Variants in POU3F3 observed in about 807,000 individuals in gnomAD.
POU3F3 encodes the protein POU class 3 homeobox 3.
POU3F3 carries 1 observed loss-of-function variant against 8.6 expected under a neutral mutation model. The ratio of observed to expected loss-of-function variants is 0.12; its 90% confidence interval spans 0.04 to 0.55. The LOEUF is 0.55. POU3F3 is among the 20% of genes least tolerant of loss of function. POU3F3 has a pLI of 0.91. For synonymous variants in POU3F3, 418 were observed against 327.4 expected (o/e 1.28, Z -2.99); for missense variants, 577 against 690.7 (o/e 0.84, Z 1.84).
chr2:104,896,535 A>G, the POU3F3 span, among the ~76,000 whole-genome samples: 2 of 152,222 alleles, frequency 1.3e-5, no homozygotes, highest in Non-Finnish European at 2.9e-5. Flanking sequence ...TAATAACTCT[A>G]TTTTAAGTAG....
At chr2:104,869,090 A>G in the POU3F3 span, among the ~76,000 whole-genome samples, 3 of 152,218 alleles carry the variant, frequency 2.0e-5, no homozygotes, top group African/African-American at 7.2e-5. Context: ...GTGGAATGAA[A>G]TGGGCCTGGG....
downstream of POU3F3, among the ~76,000 whole-genome samples, chr2:104,860,144 GT>G (rs1407981453): frequency 3.3e-5 from 5 of 152,332 alleles, no homozygotes; most frequent in Admixed American, 3.3e-4. Context: ...ATTTCACACT[GT>G]TTTCTATTAA....
chr2:104,923,796 C>T, the POU3F3 span, among the ~76,000 whole-genome samples: 1 of 152,138 alleles, frequency 6.6e-6, no homozygotes. Context: ...CTCACTTTAG[C>T]TCCAGGGACC....
chr2:104,906,847 T>C, the POU3F3 span, among the ~76,000 whole-genome samples: 1 of 152,206 alleles, frequency 6.6e-6, no homozygotes, highest in East Asian at 1.9e-4. Flanking sequence ...CAAGTACTGG[T>C]AGTTCCTTCC....
At chr2:104,909,325 T>G in the POU3F3 span, among the ~76,000 whole-genome samples, 3 of 152,116 alleles carry the variant, frequency 2.0e-5, no homozygotes, top group Non-Finnish European at 2.9e-5. Flanking sequence ...GTCTGGAGGA[T>G]CCCAAGAATC....
the POU3F3 span, among the ~76,000 whole-genome samples, chr2:104,887,745 G>A: frequency 5.1e-4 from 77 of 152,332 alleles, no homozygotes; most frequent in African/African-American, 1.8e-3. Context: ...TCCGAGGAGA[G>A]TAGTGCAAGC....
the POU3F3 span, among the ~76,000 whole-genome samples, chr2:104,891,893 T>G: frequency 6.6e-6 from 1 of 152,114 alleles, no homozygotes; most frequent in African/African-American, 2.4e-5. Context: ...ACCATCTGAG[T>G]TTTTGCTTTT....
chr2:104,887,044 C>G, the POU3F3 span, among the ~76,000 whole-genome samples: 1 of 152,122 alleles, frequency 6.6e-6, no homozygotes, highest in Non-Finnish European at 1.5e-5. Flanking sequence ...ATATGCTAAA[C>G]AAGGCATGGA....
In POU3F3 at chr2:104,856,893, G is replaced by A; in HGVS notation, c.1383G>A (p.Glu461=). 1 of 1,614,022 alleles carries A rather than the reference G, an allele frequency of 6.2e-7. No individual in the cohort carries two copies. The highest frequency in any genetic ancestry group is 8.5e-7 in the Non-Finnish European group (1 of 1,179,986). ...RVWFCNRRQK[E]KRMTPPGIQQ... is the part of the protein sequence containing the mutation. ...GGTTCTGCAATCGGCGCCAAAAGGAGAAGCGCATGACGCCGCCCGGGATCC... is the reference window on the plus strand; with the variant it reads ...GGTTCTGCAATCGGCGCCAAAAGGAAAAGCGCATGACGCCGCCCGGGATCC... Residue 461 remains glutamate, a synonymous_variant, in exon 1 of 1, where the codon GAG becomes GAA. Coordinates refer to ENST00000361360, the MANE Select transcript of POU3F3 (RefSeq NM_006236.3).
the POU3F3 span, among the ~76,000 whole-genome samples, chr2:104,919,032 C>G: frequency 1.3e-5 from 2 of 152,026 alleles, no homozygotes; most frequent in Non-Finnish European, 2.9e-5. Flanking sequence ...CCACCACGCC[C>G]AGCTAATTTT....
At chr2:104,873,199 A>G in the POU3F3 span, among the ~76,000 whole-genome samples, 4 of 152,264 alleles carry the variant, frequency 2.6e-5, no homozygotes, top group South Asian at 8.3e-4. Flanking sequence ...GCCGGTAAGT[A>G]AGGGCAGAGA....
the POU3F3 span, among the ~76,000 whole-genome samples, chr2:104,896,582 G>T: frequency 6.6e-6 from 1 of 152,224 alleles, no homozygotes; most frequent in East Asian, 1.9e-4. Flanking sequence ...TCCACAAGTA[G>T]CACATGAGGC....
At chr2:104,901,351 G>A in the POU3F3 span, among the ~76,000 whole-genome samples, 2 of 152,174 alleles carry the variant, frequency 1.3e-5, no homozygotes, top group Non-Finnish European at 2.9e-5. Flanking sequence ...ATAAATTCCT[G>A]CAAATTGGAG....
At chr2:104,908,964 T>G in the POU3F3 span, among the ~76,000 whole-genome samples, 1 of 152,224 alleles carries the variant, frequency 6.6e-6, no homozygotes, top group African/African-American at 2.4e-5. Flanking sequence ...TTTCTTTTTT[T>G]AAGTACTTGC....
the POU3F3 span, among the ~76,000 whole-genome samples, chr2:104,889,343 G>A: frequency 6.9e-3 from 1,056 of 152,216 alleles, 13 homozygotes; most frequent in African/African-American, 0.024. Flanking sequence ...CTGCTAGTGC[G>A]GCTTCCCACC....
the POU3F3 span, among the ~76,000 whole-genome samples, chr2:104,923,651 A>G: frequency 6.6e-6 from 1 of 152,252 alleles, no homozygotes; most frequent in African/African-American, 2.4e-5. Flanking sequence ...GAAAACACAT[A>G]GCAAAATGAC....
chr2:104,902,034 G>C, the POU3F3 span, among the ~76,000 whole-genome samples: 1 of 152,124 alleles, frequency 6.6e-6, no homozygotes, highest in Non-Finnish European at 1.5e-5. Context: ...AGTCCATCAG[G>C]GGAAATTTGG....
Position 104,857,036 on chromosome 2 carries a change from G to GGACGCC in POU3F3, c.*24_*25insACGCCG. 1 of 1,454,844 alleles carries GGACGCC rather than the reference G, an allele frequency of 6.9e-7. No individual in the cohort carries two copies. Among genetic ancestry groups the GGACGCC allele is most frequent in the Non-Finnish European group, 9.1e-7 (1 of 1,098,070 alleles). 90.1% of individuals were successfully genotyped at this position (1,454,844 alleles called of 1,614,324 possible). A position where few individuals can be genotyped will look rare whatever the true frequency, so the allele number is the denominator to read the frequency against. On this transcript the variant is annotated 3_prime_UTR_variant, in exon 1 of 1. Transcript: ENST00000361360. Reference sequence around the variant, plus strand: ...TGAAGCCAGGGCGCAGAGCGAAGAGGGCCGCCGCCGCCGCCGCCTCCGCAG... The same window carrying GGACGCC: ...TGAAGCCAGGGCGCAGAGCGAAGAGGGACGCCGCCGCCGCCGCCGCCGCCTCCGCAG...
the POU3F3 span, among the ~76,000 whole-genome samples, chr2:104,924,609 T>C: frequency 0.39 from 58,921 of 152,094 alleles, 11,486 homozygotes; most frequent in East Asian, 0.46. Flanking sequence ...GAAATAATTG[T>C]CGATCCTTCT....
Sources: gnomAD v4.1 joint callset for allele counts (sites outside exome capture counted in the v4.1 genomes callset) on GRCh38, gnomAD v4.1.1 for gene constraint, MANE v1.5 for transcripts, NCBI Gene and HGNC (gene_info 2026-07-23, HGNC 2026-07-21) for gene names.